The following DNAH3 variants were observed in gnomAD, a reference collection of about 807,000 sequenced individuals.
The protein encoded by DNAH3 is axonemal beta dynein heavy chain 3.
A neutral mutation model predicts 432.5 loss-of-function variants in DNAH3; 332 were observed. That is an observed-to-expected ratio of 0.77 (90% CI 0.70 to 0.84). The LOEUF is 0.84. DNAH3 is among the 40% of genes least tolerant of loss of function. DNAH3 has a pLI of 0.00. For synonymous variants in DNAH3, 1,956 were observed against 1,900.2 expected (o/e 1.03, Z -0.76); for missense variants, 4,861 against 5,114.0 (o/e 0.95, Z 1.51).
chr16:20,973,491 G>A (rs2085438655), intron 51 of DNAH3, among the ~76,000 whole-genome samples: 1 of 152,104 alleles, frequency 6.6e-6, no homozygotes, highest in Non-Finnish European at 1.5e-5. Flanking sequence ...GACCTCAAGT[G>A]ATCTGCCCAC....
At chr16:21,079,643 T>A (rs2091109377) in intron 20 of DNAH3, among the ~76,000 whole-genome samples, 1 of 151,558 alleles carries the variant, frequency 6.6e-6, no homozygotes, top group Admixed American at 6.6e-5. Context: ...TCTCAAAAAA[T>A]AAAAAATAAA....
exon 22 of DNAH3, chr16:21,070,711 C>A: frequency 6.3e-7 from 1 of 1,599,984 alleles, no homozygotes. Flanking sequence ...TCCTCTTACC[C>A]GGCATTCTGC....
At chr16:21,087,295 G>A (rs2091409767) in intron 18 of DNAH3, among the ~76,000 whole-genome samples, 1 of 152,200 alleles carries the variant, frequency 6.6e-6, no homozygotes, top group Non-Finnish European at 1.5e-5. Context: ...ACCCTGGAAG[G>A]TGATTGTGGA....
At chr16:20,994,224 GTT>G (rs2086670827) in intron 44 of DNAH3, among the ~76,000 whole-genome samples, 1 of 152,100 alleles carries the variant, frequency 6.6e-6, no homozygotes, top group Admixed American at 6.5e-5. Context: ...GAGATCCAGA[GTT>G]TGAGACCAGC....
intron 37 of DNAH3, among the ~76,000 whole-genome samples, chr16:21,027,908 A>C (rs977574198): frequency 1.3e-5 from 2 of 152,240 alleles, no homozygotes; most frequent in African/African-American, 2.4e-5. Context: ...ATTCTTTCAC[A>C]AAAGACCCAT....
intron 7 of DNAH3, among the ~76,000 whole-genome samples, chr16:21,130,716 G>A (rs765850785): frequency 1.3e-5 from 2 of 152,130 alleles, no homozygotes; most frequent in Admixed American, 6.6e-5. Flanking sequence ...TGAAAAGCAA[G>A]TGGTAAAAAG....
intron 59 of DNAH3, among the ~76,000 whole-genome samples, chr16:20,940,147 G>A (rs752423030): frequency 1.1e-4 from 17 of 152,142 alleles, no homozygotes; most frequent in Non-Finnish European, 1.8e-4. Context: ...CTTAGTTCTG[G>A]GTTTAAACTG....
At chr16:21,083,778 C>G (rs2091273142) in intron 19 of DNAH3, among the ~76,000 whole-genome samples, 1 of 152,168 alleles carries the variant, frequency 6.6e-6, no homozygotes, top group Non-Finnish European at 1.5e-5. Flanking sequence ...ATGACATCCC[C>G]AGGCCTGGGG....
intron 24 of DNAH3, among the ~76,000 whole-genome samples, chr16:21,063,294 G>T (rs56017589): frequency 0.17 from 25,151 of 151,838 alleles, 2,610 homozygotes; most frequent in Non-Finnish European, 0.23. Flanking sequence ...TAAATTTCAG[G>T]TCATTCTAAT....
At chr16:21,154,845 C>T (rs2092888083) in intron 1 of DNAH3, among the ~76,000 whole-genome samples, 1 of 152,150 alleles carries the variant, frequency 6.6e-6, no homozygotes, top group Non-Finnish European at 1.5e-5. Context: ...TTCCCCCAGG[C>T]CACCTCACCT....
At chr16:21,048,312 G>A (rs1340597661) in intron 31 of DNAH3, among the ~76,000 whole-genome samples, 1 of 152,228 alleles carries the variant, frequency 6.6e-6, no homozygotes, top group African/African-American at 2.4e-5. Flanking sequence ...AGACTGCTGT[G>A]CTAGCAATCA....
At chr16:21,064,735 T>C (rs1353318936) in intron 24 of DNAH3, among the ~76,000 whole-genome samples, 1 of 152,128 alleles carries the variant, frequency 6.6e-6, no homozygotes, top group Non-Finnish European at 1.5e-5. Flanking sequence ...AATTAAAATC[T>C]TTTTTTAGCA....
chr16:21,070,302 G>A (rs557695208), intron 22 of DNAH3, among the ~76,000 whole-genome samples: 1 of 152,222 alleles, frequency 6.6e-6, no homozygotes, highest in Admixed American at 6.5e-5. Flanking sequence ...TTATTTTTGA[G>A]ACGGAGTTTC....
intron 51 of DNAH3, among the ~76,000 whole-genome samples, chr16:20,972,202 A>T (rs1408440746): frequency 6.6e-6 from 1 of 151,780 alleles, no homozygotes; most frequent in African/African-American, 2.4e-5. Flanking sequence ...GAAAATTCAG[A>T]ATTGTTACTT....
chr16:20,936,554 G>T, intron 60 of DNAH3, 95 bp downstream of exon 60: 5 of 1,109,926 alleles, frequency 4.5e-6, no homozygotes, highest in Admixed American at 4.2e-5. Context: ...GTGGCTGCCT[G>T]CCCTCCTCCC....
chr16:20,961,623 G>A (rs1035254661), intron 53 of DNAH3, among the ~76,000 whole-genome samples: 1 of 151,948 alleles, frequency 6.6e-6, no homozygotes, highest in Non-Finnish European at 1.5e-5. Context: ...GACAGACACA[G>A]AGAGAAGGCC....
intron 11 of DNAH3, among the ~76,000 whole-genome samples, chr16:21,118,005 T>G (rs1418635727): frequency 1.3e-5 from 2 of 152,162 alleles, no homozygotes; most frequent in African/African-American, 2.4e-5. Context: ...GTTTTGTTTT[T>G]TTGAGACAGT....
intron 8 of DNAH3, among the ~76,000 whole-genome samples, chr16:21,126,244 C>G (rs188429019): frequency 1.6e-4 from 25 of 152,290 alleles, no homozygotes; most frequent in Non-Finnish European, 2.4e-4. Flanking sequence ...CCCCCAGTTT[C>G]TAATTCCCAG....
At chr16:21,100,041 C>T (rs1019068051) in intron 16 of DNAH3, among the ~76,000 whole-genome samples, 2 of 152,100 alleles carry the variant, frequency 1.3e-5, no homozygotes, top group African/African-American at 2.4e-5. Flanking sequence ...TTTAAAGTTG[C>T]TTTTTTCTTA....
Sources: gnomAD v4.1 joint callset for allele counts (sites outside exome capture counted in the v4.1 genomes callset) on GRCh38, gnomAD v4.1.1 for gene constraint, MANE v1.5 for transcripts, NCBI Gene and HGNC (gene_info 2026-07-23, HGNC 2026-07-21) for gene names.